Variants in PHB2 observed in about 807,000 individuals in gnomAD.
PHB2 encodes prohibitin 2.
In PHB2, 22 loss-of-function variants were observed where a neutral mutation model predicts 46.4. That is an observed-to-expected ratio of 0.47 (90% CI 0.34 to 0.68). The LOEUF (loss-of-function observed/expected upper bound fraction) is 0.68. Among genes scored for constraint, PHB2 ranks in the 30% least tolerant of loss-of-function variants. The pLI is 0.01. For synonymous variants in PHB2, 156 were observed against 150.5 expected (o/e 1.04, Z -0.27); for missense variants, 305 against 382.8 (o/e 0.80, Z 1.70).
intron 8 of PHB2, among the ~76,000 whole-genome samples, chr12:6,966,172 TATC>T (rs1555150760): frequency 6.6e-6 from 1 of 152,212 alleles, no homozygotes; most frequent in Non-Finnish European, 1.5e-5. Flanking sequence ...GAAAACTGAG[TATC>T]ATCTTTCATC....
In PHB2 at chr12:6,970,651, A is replaced by G; in HGVS notation, c.-108T>C. 1 of 1,344,952 alleles carries G rather than the reference A, an allele frequency of 7.4e-7. No homozygotes were observed. The highest frequency in any genetic ancestry group is 1.0e-6 in the Non-Finnish European group (1 of 995,306). 83.3% of individuals were successfully genotyped at this position (1,344,952 alleles called of 1,614,324 possible). ...CCTTCACACGAGGGTTCGGGCCCGT[A>G]AGGCTGGCGAAAGAAAGGGCAGCGG... On this transcript the variant is annotated 5_prime_UTR_variant, in exon 1 of 10. Transcript: ENST00000535923.
chr12:6,966,950 T>C (rs1946220823), intron 7 of PHB2, among the ~76,000 whole-genome samples: 1 of 152,176 alleles, frequency 6.6e-6, no homozygotes, highest in Admixed American at 6.5e-5. Flanking sequence ...GGTTTCACCA[T>C]GTTGGCCAGG....
At chr12:6,968,337 C>T in intron 4 of PHB2, 74 bp downstream of exon 4, 2 of 1,115,562 alleles carry the variant, frequency 1.8e-6, no homozygotes, top group Admixed American at 4.2e-5. Flanking sequence ...TAATAAGCTG[C>T]CTTTCCTAAT....
At chr12:6,966,312 G>T in intron 8 of PHB2, 112 bp downstream of exon 8, 2 of 722,692 alleles carry the variant, frequency 2.8e-6, no homozygotes, top group South Asian at 1.5e-5. Context: ...TTCTAATTTT[G>T]GTTCAATGTC....
At position 6,965,505 on chromosome 12, in the gene PHB2, C is replaced by A; in HGVS notation, c.*180G>T. The A allele has an allele frequency of 1.5e-6, 1 of 646,608 alleles. No individual in the cohort carries two copies. 40.1% of individuals were successfully genotyped at this position (646,608 alleles called of 1,614,324 possible). A position where few individuals can be genotyped will look rare whatever the true frequency, so the allele number is the denominator to read the frequency against. On this transcript the variant is annotated 3_prime_UTR_variant, in exon 10 of 10. Coordinates refer to ENST00000535923, the MANE Select transcript of PHB2 (RefSeq NM_001144831.2). ...TAACACAGGGAGGAGGAAAGTAATT[C>A]CCCAGAAAAGGGGCTAGTCTTCAGT...
intron 3 of PHB2, among the ~76,000 whole-genome samples, chr12:6,968,865 G>C (rs761664897): frequency 8.2e-4 from 125 of 152,302 alleles, no homozygotes; most frequent in Non-Finnish European, 1.3e-3. Flanking sequence ...CTCTAACGTG[G>C]GCGCTTTCGT....
In PHB2 at chr12:6,970,366, G is replaced by A. The variant is rs1397826549; in HGVS notation, c.127+51C>T. On this transcript the variant is annotated intron_variant, in intron 1 of 9. Transcript: ENST00000535923. The stretch of plus-strand genomic sequence containing the variant: ...GGAGGGGCGCGGGGACAGGGCAAGG[G>A]GTTTGGGGGAGGGACTGGAAGCGTC... 4 of 1,604,698 alleles carry A rather than the reference G, an allele frequency of 2.5e-6. No individual in the cohort carries two copies. The African/African-American group carries it at 5.3e-5, about 21-fold the overall frequency.
chr12:6,967,864 C>T lies in PHB2; in HGVS notation c.607+28G>A. 6.2e-7 allele frequency: 1 copy of T among 1,612,142 alleles called. No homozygotes were observed. Among genetic ancestry groups the T allele is most frequent in the Non-Finnish European group, 8.5e-7 (1 of 1,178,664 alleles). ...CTTTCCTCCTCCTGCATCTCAGAAG[C>T]CCTCACCCCACGGCTCTTGCGACTC... On this transcript the variant is annotated intron_variant, in intron 5 of 9. Transcript: ENST00000535923. The surrounding 1 kb of genome is among the most constrained non-coding windows in gnomAD (Gnocchi z 4.9).
chr12:6,968,361 G>A (rs370177693), intron 4 of PHB2, 50 bp downstream of exon 4: 10 of 1,336,364 alleles, frequency 7.5e-6, no homozygotes, highest in African/African-American at 1.4e-5. Flanking sequence ...CAATACTCTG[G>A]GCCTAGGAAG....
rs782071499 is a variant in PHB2, at chr12:6,970,604, C to A, written c.-61G>T. 379 of 1,545,630 alleles carry A rather than the reference C, an allele frequency of 2.5e-4. 2 individuals carry two copies. Among genetic ancestry groups the A allele is most frequent in the Middle Eastern group, 2.3e-4 (1 of 4,274 alleles). ...AGGGGGTGCCGGCCCGCCTCTACCC[C>A]GCTCCGGCTTAGGTACTGCACCCTT... On this transcript the variant is annotated 5_prime_UTR_variant, in exon 1 of 10. Transcript: ENST00000535923.
At chr12:6,966,952 T>C (rs1011896282) in intron 7 of PHB2, among the ~76,000 whole-genome samples, 4 of 152,224 alleles carry the variant, frequency 2.6e-5, no homozygotes, top group Non-Finnish European at 5.9e-5. Flanking sequence ...TTTCACCATG[T>C]TGGCCAGGCT....
In PHB2 at chr12:6,968,455, C is replaced by T; in HGVS notation, c.433G>A (p.Val145Met). ...AGCTGTGAGGCATTGAACTTGGCCA[C>T]CACACTCTTGAGCACCTCGTTGACA... Reference protein sequence around the residue: ...SIVNEVLKSVVAKFNASQLIT... With the variant: ...SIVNEVLKSVMAKFNASQLIT... The change falls in exon 4 of 10, where the codon GTG becomes ATG. Residue 145 changes from valine (V) to methionine (M), a missense_variant. By Grantham distance (21) the Val-to-Met change is conservative. Transcript: ENST00000535923. 6.2e-7 allele frequency: 1 copy of T among 1,612,872 alleles called. No individual in the cohort carries two copies.
At position 6,967,462 on chromosome 12, in the gene PHB2, A is replaced by G. The variant is rs1555151009; in HGVS notation, c.711+214T>C. On this transcript the variant is annotated intron_variant, in intron 6 of 9. Coordinates refer to ENST00000535923, the MANE Select transcript of PHB2 (RefSeq NM_001144831.2). The surrounding 1 kb of genome is among the most constrained non-coding windows in gnomAD (Gnocchi z 4.9). The stretch of plus-strand genomic sequence containing the variant: ...ACCAGAAATGAAGGCAAGGCCACCA[A>G]TGCTATTGATCTGGCCTTACAGTGG... 9.3e-7 allele frequency: 1 copy of G among 1,080,568 alleles called. No homozygotes were observed. Among genetic ancestry groups the G allele is most frequent in the Non-Finnish European group, 1.4e-6 (1 of 705,236 alleles). 66.9% of individuals were successfully genotyped at this position (1,080,568 alleles called of 1,614,324 possible). A position where few individuals can be genotyped will look rare whatever the true frequency, so the allele number is the denominator to read the frequency against.
chr12:6,968,385 C>T lies in PHB2; in HGVS notation c.477+26G>A, dbSNP rs782681193. The T allele has an allele frequency of 7.1e-6, 11 of 1,556,270 alleles. No individual in the cohort carries two copies. The African/African-American group carries it at 8.1e-5, about 11-fold the overall frequency. On this transcript the variant is annotated intron_variant, in intron 4 of 9. Transcript: ENST00000535923. Reference sequence around the variant, plus strand: ...GGGCCTAGGAAGGAAAGGCTGACACCACGCAGATGGTGGTGGGAGTCAGAC... The same window carrying T: ...GGGCCTAGGAAGGAAAGGCTGACACTACGCAGATGGTGGTGGGAGTCAGAC...
chr12:6,965,779 A>G (rs1555150688), intron 9 of PHB2, 67 bp from the exon 10 acceptor site: 2 of 1,551,692 alleles, frequency 1.3e-6, no homozygotes, highest in African/African-American at 1.4e-5. Flanking sequence ...AGGACACTCT[A>G]GGCCATTCCC....
intron 2 of PHB2, chr12:6,969,878 G>A (rs1565591357): frequency 1.8e-6 from 1 of 563,802 alleles, no homozygotes; most frequent in Non-Finnish European, 3.3e-6. Flanking sequence ...CAGCCTGGGC[G>A]ACAGAGCAAG....
intron 3 of PHB2, 145 bp from the exon 4 acceptor site, chr12:6,968,740 G>C (rs1279123481): frequency 7.0e-6 from 5 of 713,842 alleles, no homozygotes; most frequent in Admixed American, 2.0e-5. Context: ...AGGCTGACAA[G>C]GAAGACAAGA....
chr12:6,970,026 AAC>A (rs782154237), intron 2 of PHB2, 168 bp downstream of exon 2: 9 of 708,342 alleles, frequency 1.3e-5, no homozygotes, highest in African/African-American at 1.0e-4. Flanking sequence ...TCTGGAAAAC[AAC>A]AGTTTGTATG....
chr12:6,965,580 A>T lies in PHB2; in HGVS notation c.*105T>A. 1 of 860,984 alleles carries T rather than the reference A, an allele frequency of 1.2e-6. No homozygotes were observed. The highest frequency in any genetic ancestry group is 2.9e-4 in the Middle Eastern group (1 of 3,492). The allele number at this position is 860,984 out of a possible 1,614,324, so 53.3% of individuals were successfully genotyped here. A position where few individuals can be genotyped will look rare whatever the true frequency, so the allele number is the denominator to read the frequency against. ...GGGAACCGGTGTGGGGGACCATCGC[A>T]TGATACTGGGGCGGGGTAGGGCTGT... On this transcript the variant is annotated 3_prime_UTR_variant, in exon 10 of 10. Coordinates refer to ENST00000535923, the MANE Select transcript of PHB2 (RefSeq NM_001144831.2).
Sources: allele counts gnomAD v4.1 joint callset (sites outside exome capture counted in the v4.1 genomes callset), GRCh38; gene constraint gnomAD v4.1.1; non-coding constraint Gnocchi (gnomAD v3.1); transcripts MANE v1.5; gene names NCBI Gene and HGNC (gene_info 2026-07-23, HGNC 2026-07-21).